The following GALK1 variants were observed in gnomAD, a reference collection of about 807,000 sequenced individuals.
GALK1 encodes galactokinase.
In GALK1, 30 loss-of-function variants were observed where a neutral mutation model predicts 38.6. The observed-to-expected ratio is 0.78, with a 90% confidence interval of 0.58 to 1.05. The LOEUF (loss-of-function observed/expected upper bound fraction) is 1.05. Among genes scored for constraint, GALK1 ranks in the 50% least tolerant of loss-of-function variants. GALK1 has a pLI of 0.00. For synonymous variants in GALK1, 240 were observed against 233.6 expected (o/e 1.03, Z -0.25); for missense variants, 512 against 540.5 (o/e 0.95, Z 0.52).
intron 8 of GALK1, chr17:75,752,091 C>A: frequency 6.9e-7 from 1 of 1,442,262 alleles, no homozygotes; most frequent in Non-Finnish European, 9.8e-7. Flanking sequence ...CCAGGGGATG[C>A]ACGGCCGTCC....
downstream of GALK1, chr17:75,754,522 C>T: frequency 2.5e-6 from 4 of 1,610,740 alleles, no homozygotes; most frequent in Non-Finnish European, 2.5e-6. Context: ...GCCTGCCCCA[C>T]GGGGCCCGGG....
chr17:75,760,379 G>A (rs1335583941), intron 5 of GALK1, among the ~76,000 whole-genome samples: 1 of 151,684 alleles, frequency 6.6e-6, no homozygotes, highest in Non-Finnish European at 1.5e-5. Context: ...AGGCACAGAC[G>A]TGAGCCACCG....
Position 75,752,125 on chromosome 17 carries a change from G to A in GALK1, c.*23-388C>T, listed in dbSNP as rs369850874. On this transcript the variant is annotated intron_variant, in intron 8 of 8. Transcript: ENST00000225614. ...CCTGCTGTGTCAGGGGTGGTGTTGG[G>A]ACCAGGCTGGGACCTGGGTGACCCT... 244 of 1,590,916 alleles carry A rather than the reference G, an allele frequency of 1.5e-4. 1 individual carries two copies. Among genetic ancestry groups the A allele is most frequent in the Non-Finnish European group, 2.1e-4 (239 of 1,159,628 alleles).
chr17:75,756,016 C>A (rs1284180899), downstream of GALK1, among the ~76,000 whole-genome samples: 1 of 152,222 alleles, frequency 6.6e-6, no homozygotes, highest in East Asian at 1.9e-4. Flanking sequence ...CACCCCACTT[C>A]TTTGCCTCCC....
downstream of GALK1, chr17:75,756,665 C>A: frequency 6.2e-7 from 1 of 1,613,178 alleles, no homozygotes. Flanking sequence ...ATGCCCACCA[C>A]CCACCCACAG....
At chr17:75,753,720 C>T (rs764555355), downstream of GALK1, 16 of 1,299,874 alleles carry the variant, frequency 1.2e-5, no homozygotes, top group Admixed American at 6.7e-5. Context: ...CTGCTCGGCC[C>T]GGCGCCCCCC....
rs572521863 is a variant in GALK1, at chr17:75,765,169, G to C, written c.-33C>G. 8 of 1,426,758 alleles carry C rather than the reference G, an allele frequency of 5.6e-6. No homozygotes were observed. Among genetic ancestry groups the C allele is most frequent in the East Asian group, 3.0e-5 (1 of 33,850 alleles). 88.4% of individuals were successfully genotyped at this position (1,426,758 alleles called of 1,614,324 possible). A position where few individuals can be genotyped will look rare whatever the true frequency, so the allele number is the denominator to read the frequency against. ...GCCTGCAGCTCTGCACAGCTGCTCC[G>C]GCACAGCCCCGTCGGCGCGGGATGC... On this transcript the variant is annotated 5_prime_UTR_variant, in exon 1 of 8. Transcript: ENST00000588479.
At chr17:75,753,667 A>G, downstream of GALK1, 1 of 768,202 alleles carries the variant, frequency 1.3e-6, no homozygotes, top group Non-Finnish European at 1.8e-6. Flanking sequence ...GGAGCTGGAG[A>G]CGGGCTCCCC....
chr17:75,754,086 C>T, downstream of GALK1: 1 of 465,704 alleles, frequency 2.1e-6, no homozygotes, highest in Non-Finnish European at 3.6e-6. Context: ...CAGCCAGGCC[C>T]GGGCCTTGGC....
downstream of GALK1, chr17:75,751,544 A>T: frequency 3.9e-6 from 1 of 257,412 alleles, no homozygotes; most frequent in Non-Finnish European, 7.7e-6. Context: ...TGAGGTCAGG[A>T]GTTCAAGACC....
chr17:75,753,910 C>CGACGGCGGCGCGGGCGGGAAG (rs1269435681), downstream of GALK1: 263 of 1,288,334 alleles, frequency 2.0e-4, no homozygotes, highest in Middle Eastern at 3.0e-4. Flanking sequence ...GGCCCCCGGA[C>CGACGGCGGCGCGGGCGGGAAG]GACGGCGGCG....
intron 1 of GALK1, chr17:75,764,495 C>A (rs766609704): frequency 9.7e-6 from 5 of 515,410 alleles, no homozygotes; most frequent in African/African-American, 9.5e-5. Context: ...TCCCAAGTCG[C>A]AGCCCCGCCA....
At chr17:75,754,964 A>C, downstream of GALK1, 2 of 1,524,046 alleles carry the variant, frequency 1.3e-6, no homozygotes, top group Non-Finnish European at 1.8e-6. Context: ...GTGCACACGC[A>C]TGCACACATG....
intron 1 of GALK1, chr17:75,764,320 C>G (rs2061601327): frequency 1.3e-6 from 1 of 746,618 alleles, no homozygotes; most frequent in Non-Finnish European, 2.5e-6. Context: ...TGGACTCTGC[C>G]CTGAGCTGTG....
rs772623590 is a variant in GALK1, at chr17:75,763,166, G to T, written c.476-17C>A. The T allele has an allele frequency of 3.7e-6, 6 of 1,611,136 alleles. No homozygotes were observed. The highest frequency in any genetic ancestry group is 4.2e-6 in the Non-Finnish European group (5 of 1,179,494). On this transcript the variant is annotated splice_polypyrimidine_tract_variant and intron_variant, in intron 3 of 7. Transcript: ENST00000588479. ...TGCCCGAGTCTGCAGTACAGGGTGA[G>T]GTGGGGAGGCTAGGGCTGGTGGAAG...
chr17:75,762,658 AG>A, intron 5 of GALK1, 45 bp downstream of exon 5: 2 of 1,600,296 alleles, frequency 1.2e-6, no homozygotes, highest in Non-Finnish European at 1.7e-6. Context: ...AGGCGCCAGC[AG>A]GGAGCACAGC....
intron 1 of GALK1, 124 bp from the exon 2 acceptor site, chr17:75,764,210 G>T (rs1208026763): frequency 1.0e-6 from 1 of 965,602 alleles, no homozygotes; most frequent in Non-Finnish European, 1.6e-6. Context: ...TCCAGGTTCA[G>T]CGTCGCAGGG....
Position 75,752,339 on chromosome 17 carries a change from C to T in GALK1, c.*23-602G>A. The T allele has an allele frequency of 6.2e-7, 1 of 1,612,666 alleles. No homozygotes were observed. Among genetic ancestry groups the T allele is most frequent in the Non-Finnish European group, 8.5e-7 (1 of 1,179,754 alleles). On this transcript the variant is annotated intron_variant, in intron 8 of 8. Transcript: ENST00000225614. ...GCCATCATCAACCTGGCCACCCAGCCCAAGAGGCCCATGTCCAGTGAGTGG... is the reference window on the plus strand; with the variant it reads ...GCCATCATCAACCTGGCCACCCAGCTCAAGAGGCCCATGTCCAGTGAGTGG...
downstream of GALK1, chr17:75,753,724 G>A (rs1383096588): frequency 2.3e-6 from 3 of 1,318,606 alleles, no homozygotes; most frequent in East Asian, 2.9e-5. Flanking sequence ...TCGGCCCGGC[G>A]CCCCCCGGCG....
Sources: allele counts gnomAD v4.1 joint callset (sites outside exome capture counted in the v4.1 genomes callset), GRCh38; gene constraint gnomAD v4.1.1; transcripts MANE v1.5; gene names NCBI Gene and HGNC (gene_info 2026-07-23, HGNC 2026-07-21).